Variants in PRKG1 observed in about 807,000 individuals in gnomAD.
PRKG1 encodes the protein cGMP-dependent protein kinase 1.
In PRKG1, 35 loss-of-function variants were observed where a neutral mutation model predicts 88.1. The observed-to-expected ratio is 0.40, with a 90% confidence interval of 0.30 to 0.53. The LOEUF is 0.53. PRKG1 is among the 20% of genes least tolerant of loss of function. PRKG1 has a pLI of 0.59. For missense variants in PRKG1, 540 were observed against 839.8 expected (o/e 0.64, Z 4.41); for synonymous variants, 303 against 292.5 (o/e 1.04, Z -0.37).
chr10:51,570,436 A>G (rs1837723705), intron 3 of PRKG1, among the ~76,000 whole-genome samples: 1 of 152,012 alleles, frequency 6.6e-6, no homozygotes, highest in African/African-American at 2.4e-5. Context: ...GAAATGGATC[A>G]CCATAAAGGT....
At chr10:52,011,476 C>CT (rs939802026) in intron 5 of PRKG1, among the ~76,000 whole-genome samples, 3 of 152,106 alleles carry the variant, frequency 2.0e-5, no homozygotes, top group Non-Finnish European at 4.4e-5. Flanking sequence ...CCTCCGCCTC[C>CT]TTTTTTTGGT....
In PRKG1 at chr10:51,550,692, C is replaced by T. The variant is rs553597545; in HGVS notation, c.592+82856C>T. Among the ~76,000 whole-genome samples the T allele has an allele frequency of 3.6e-4, 54 of 151,958 alleles. No individual in the cohort carries two copies. The South Asian group carries it at 8.3e-3, about 23-fold the overall frequency. The stretch of plus-strand genomic sequence containing the variant: ...TAAAAGATAGGTTCCATGGCTTATA[C>T]GAAAGATATGGGCCATTCTTCCTCA... On this transcript the variant is annotated intron_variant, in intron 3 of 17. Coordinates refer to ENST00000373980, the MANE Select transcript of PRKG1 (RefSeq NM_006258.4).
At chr10:52,293,362 A>T (rs1184263255) in intron 17 of PRKG1, among the ~76,000 whole-genome samples, 1 of 151,584 alleles carries the variant, frequency 6.6e-6, no homozygotes, top group African/African-American at 2.4e-5. Flanking sequence ...ATTCAATGCC[A>T]TCCCCATCAA....
intron 9 of PRKG1, among the ~76,000 whole-genome samples, chr10:52,216,690 G>A (rs1462667755): frequency 1.3e-5 from 2 of 152,108 alleles, no homozygotes; most frequent in African/African-American, 4.8e-5. Context: ...GTCCTAGAGG[G>A]AATAGAGCCT....
At chr10:52,192,806 TA>T (rs1839399794) in intron 9 of PRKG1, among the ~76,000 whole-genome samples, 1 of 152,198 alleles carries the variant, frequency 6.6e-6, no homozygotes, top group African/African-American at 2.4e-5. Context: ...TCCTTTCTTA[TA>T]TTAGAATTTA....
chr10:51,969,867 G>A (rs1254114980), intron 5 of PRKG1, among the ~76,000 whole-genome samples: 2 of 151,588 alleles, frequency 1.3e-5, no homozygotes, highest in African/African-American at 4.8e-5. Context: ...CTCTTTATTT[G>A]GAATTGATTT....
chr10:51,127,448 T>G (rs1845459196), intron 1 of PRKG1, among the ~76,000 whole-genome samples: 1 of 152,076 alleles, frequency 6.6e-6, no homozygotes, highest in Non-Finnish European at 1.5e-5. Context: ...TATTAAAAAG[T>G]CAAGAAACAA....
At chr10:51,837,553 TA>T (rs1170049355) in intron 4 of PRKG1, among the ~76,000 whole-genome samples, 1 of 152,154 alleles carries the variant, frequency 6.6e-6, no homozygotes. Flanking sequence ...TCCTGTTGCC[TA>T]CTAGAACTTT....
At position 50,993,811 on chromosome 10, in the gene PRKG1, AAGG is replaced by A. The variant is rs2132707959; in HGVS notation, c.266+2171_266+2173del. On this transcript the variant is annotated intron_variant, in intron 1 of 17. Coordinates refer to the PRKG1 transcript ENST00000401604. ...AGAGGCAAGAAATCTCTAAGAATGA[AAGG>A]AGGTGTTTTGTTGTTGTTGTTGTTG... Among the ~76,000 whole-genome samples, 3 of 152,332 alleles carry A rather than the reference AAGG, an allele frequency of 2.0e-5. No homozygotes were observed. The South Asian group carries it at 6.2e-4, about 32-fold the overall frequency.
intron 2 of PRKG1, among the ~76,000 whole-genome samples, chr10:51,271,696 G>A (rs1296521202): frequency 6.6e-6 from 1 of 152,148 alleles, no homozygotes; most frequent in African/African-American, 2.4e-5. Context: ...GGGTTAGTTT[G>A]CTGAGAATGA....
At position 51,503,848 on chromosome 10, in the gene PRKG1, T is replaced by C. The variant is rs1173680105; in HGVS notation, c.592+36012T>C. On this transcript the variant is annotated intron_variant, in intron 3 of 17. Coordinates refer to ENST00000373980, the MANE Select transcript of PRKG1 (RefSeq NM_006258.4). Reference sequence around the variant, plus strand: ...TTATTTTTCTTTACAGTGTTGATGGTAAAATAGTAGTTAAACAATAGAAAA... The same window carrying C: ...TTATTTTTCTTTACAGTGTTGATGGCAAAATAGTAGTTAAACAATAGAAAA... 2.0e-5 allele frequency among the ~76,000 whole-genome samples: 3 copies of C among 152,274 alleles called. No individual in the cohort carries two copies. In the South Asian group the frequency reaches 6.2e-4, roughly 32 times the overall value.
intron 1 of PRKG1, among the ~76,000 whole-genome samples, chr10:51,015,038 T>G (rs908589650): frequency 1.8e-4 from 27 of 152,352 alleles, no homozygotes; most frequent in African/African-American, 6.5e-4. Flanking sequence ...CATGTATGTT[T>G]AATACATTGC....
chr10:52,089,884 G>A (rs527892560), intron 7 of PRKG1, among the ~76,000 whole-genome samples: 2 of 129,182 alleles, frequency 1.5e-5, no homozygotes, highest in East Asian at 2.4e-4. Context: ...GCACAATCTC[G>A]GCTCACTGCA....
rs545195374 is a variant in PRKG1, at chr10:52,171,786, A to ATTTTTTTTTTTTTTTTT, written c.1076+9834_1076+9850dup. ...ATAGAAGTATTTTTCTTTTATCAAA[A>ATTTTTTTTTTTTTTTTT]TTTTTTTTTTTTTTTTTTTTTTTTT... On this transcript the variant is annotated intron_variant, in intron 9 of 17. Coordinates refer to ENST00000373980, the MANE Select transcript of PRKG1 (RefSeq NM_006258.4). Among the ~76,000 whole-genome samples, 21 of 93,852 alleles carry ATTTTTTTTTTTTTTTTT rather than the reference A, an allele frequency of 2.2e-4. 1 individual carries two copies. The highest frequency in any genetic ancestry group is 8.1e-4 in the African/African-American group (19 of 23,442). The allele number at this position is 93,852 out of a possible 152,430, so 61.6% of individuals were successfully genotyped here.
intron 8 of PRKG1, among the ~76,000 whole-genome samples, chr10:52,151,650 C>A (rs1327043807): frequency 6.6e-6 from 1 of 152,046 alleles, no homozygotes; most frequent in Non-Finnish European, 1.5e-5. Context: ...AATTGTCCAG[C>A]CACAAAAAGT....
At chr10:51,737,734 T>A (rs1214529705) in intron 3 of PRKG1, among the ~76,000 whole-genome samples, 16 of 140,316 alleles carry the variant, frequency 1.1e-4, no homozygotes, top group South Asian at 2.2e-4. Flanking sequence ...TATTTATTTA[T>A]TTATTAATTA....
At chr10:52,171,786 ATTTTTTTTTTTTTTT>A (rs545195374) in intron 9 of PRKG1, among the ~76,000 whole-genome samples, 10 of 93,860 alleles carry the variant, frequency 1.1e-4, no homozygotes, top group Admixed American at 1.0e-3. Flanking sequence ...TTTTATCAAA[ATTTTTTTTTTTTTTT>A]TTTTTTTTTT....
chr10:51,551,347 G>A (rs1837128298), intron 3 of PRKG1, among the ~76,000 whole-genome samples: 1 of 151,614 alleles, frequency 6.6e-6, no homozygotes, highest in Non-Finnish European at 1.5e-5. Flanking sequence ...TTTATTTTTT[G>A]CTTTATAATA....
intron 2 of PRKG1, among the ~76,000 whole-genome samples, chr10:51,402,745 A>C (rs1339774349): frequency 1.3e-5 from 2 of 152,142 alleles, no homozygotes; most frequent in African/African-American, 4.8e-5. Context: ...TTAGAAGAAA[A>C]ACTAAAGTAA....
Sources: gnomAD v4.1 joint callset for allele counts (sites outside exome capture counted in the v4.1 genomes callset) on GRCh38, gnomAD v4.1.1 for gene constraint, MANE v1.5 for transcripts, NCBI Gene and HGNC (gene_info 2026-07-23, HGNC 2026-07-21) for gene names.